Variants in ABCC4 observed in about 807,000 individuals in gnomAD.
The protein encoded by ABCC4 is ATP binding cassette subfamily C member 4 (PEL blood group), also known as ATP-binding cassette sub-family C member 4.
In ABCC4, 102 loss-of-function variants were observed where a neutral mutation model predicts 168.5. That is an observed-to-expected ratio of 0.61 (90% CI 0.52 to 0.71). The LOEUF (loss-of-function observed/expected upper bound fraction) is 0.71. ABCC4 is among the 30% of genes least tolerant of loss of function. The pLI is 0.00. For synonymous variants in ABCC4, 617 were observed against 590.7 expected (o/e 1.04, Z -0.65); for missense variants, 1,402 against 1,605.8 (o/e 0.87, Z 2.17).
intron 20 of ABCC4, among the ~76,000 whole-genome samples, chr13:95,103,508 T>C (rs1308737634): frequency 6.6e-6 from 1 of 152,184 alleles, no homozygotes; most frequent in African/African-American, 2.4e-5. Context: ...TAGTAAAGCA[T>C]TCACGGAGGT....
At chr13:95,123,802 C>A (rs946860514) in intron 19 of ABCC4, among the ~76,000 whole-genome samples, 4 of 152,156 alleles carry the variant, frequency 2.6e-5, no homozygotes, top group Non-Finnish European at 5.9e-5. Context: ...CCAAGGCAGG[C>A]GGCAATGAGG....
At chr13:95,060,137 T>C (rs1328592490) in intron 26 of ABCC4, among the ~76,000 whole-genome samples, 1 of 152,226 alleles carries the variant, frequency 6.6e-6, no homozygotes, top group Non-Finnish European at 1.5e-5. Flanking sequence ...CATTGAGCCT[T>C]GGAGACAAAG....
At chr13:95,078,126 A>G (rs988491821) in intron 21 of ABCC4, among the ~76,000 whole-genome samples, 16 of 152,148 alleles carry the variant, frequency 1.1e-4, no homozygotes, top group Non-Finnish European at 5.9e-5. Flanking sequence ...ACCTTCCCTG[A>G]GCATAGATTC....
intron 30 of ABCC4, among the ~76,000 whole-genome samples, chr13:95,024,483 C>T (rs1208934595): frequency 6.6e-6 from 1 of 152,086 alleles, no homozygotes; most frequent in Non-Finnish European, 1.5e-5. Flanking sequence ...GTAAAGCCAC[C>T]GTAACAGAGC....
chr13:95,246,515 A>G (rs2040109537), intron 3 of ABCC4, among the ~76,000 whole-genome samples: 1 of 152,206 alleles, frequency 6.6e-6, no homozygotes, highest in African/African-American at 2.4e-5. Context: ...GGCTTGGTGA[A>G]CAATTATTTG....
At chr13:95,230,339 G>A (rs1268125092) in intron 4 of ABCC4, among the ~76,000 whole-genome samples, 1 of 152,142 alleles carries the variant, frequency 6.6e-6, no homozygotes, top group East Asian at 1.9e-4. Flanking sequence ...AAGTTAAACA[G>A]ACAAATTATT....
At chr13:95,047,478 T>C (rs1245294381) in intron 27 of ABCC4, among the ~76,000 whole-genome samples, 1 of 131,842 alleles carries the variant, frequency 7.6e-6, no homozygotes, top group East Asian at 2.1e-4. Flanking sequence ...TGCCTATTCT[T>C]TTTTTTTTTT....
chr13:95,146,371 G>A (rs535003083), intron 19 of ABCC4, among the ~76,000 whole-genome samples: 32 of 152,252 alleles, frequency 2.1e-4, no homozygotes, highest in African/African-American at 6.7e-4. Context: ...ATCTACTCAT[G>A]TAACAAACCT....
At chr13:95,076,649 G>C (rs34075181) in intron 21 of ABCC4, among the ~76,000 whole-genome samples, 1 of 151,958 alleles carries the variant, frequency 6.6e-6, no homozygotes, top group Admixed American at 6.6e-5. Flanking sequence ...ATTTTTAGTA[G>C]AGACATGGTT....
At chr13:95,047,043 T>C (rs1218491559) in intron 27 of ABCC4, among the ~76,000 whole-genome samples, 2 of 152,236 alleles carry the variant, frequency 1.3e-5, no homozygotes, top group African/African-American at 4.8e-5. Flanking sequence ...TTCATGGAAA[T>C]GTCTGCAACT....
At chr13:95,293,584 A>G (rs1268893969) in intron 1 of ABCC4, among the ~76,000 whole-genome samples, 1 of 149,054 alleles carries the variant, frequency 6.7e-6, no homozygotes, top group East Asian at 2.1e-4. Context: ...CTCCTGCCTC[A>G]GCCTCTCGAG....
intron 29 of ABCC4, among the ~76,000 whole-genome samples, chr13:95,042,058 T>C (rs1663391527): frequency 6.6e-6 from 1 of 152,184 alleles, no homozygotes; most frequent in Admixed American, 6.5e-5. Flanking sequence ...CCAATATCAT[T>C]GGAGAGATCG....
intron 1 of ABCC4, among the ~76,000 whole-genome samples, chr13:95,291,372 C>A (rs373703521): frequency 6.0e-5 from 9 of 151,260 alleles, no homozygotes; most frequent in African/African-American, 1.5e-4. Flanking sequence ...AAAAAAAAGA[C>A]AGAAGTGCCC....
intron 21 of ABCC4, among the ~76,000 whole-genome samples, chr13:95,076,368 GTTC>G (rs1054663043): frequency 3.8e-4 from 58 of 152,236 alleles, no homozygotes; most frequent in African/African-American, 1.3e-3. Context: ...GTCTCAGTGG[GTTC>G]TTCATCTCTA....
intron 19 of ABCC4, among the ~76,000 whole-genome samples, chr13:95,146,208 C>CAAAAA (rs796273450): frequency 8.0e-6 from 1 of 124,882 alleles, no homozygotes. Context: ...AAGACTCTCT[C>CAAAAA]AAAAAAAAAA....
chr13:95,239,176 A>C, intron 3 of ABCC4, among the ~76,000 whole-genome samples: 1 of 151,946 alleles, frequency 6.6e-6, no homozygotes, highest in Middle Eastern at 3.4e-3. Flanking sequence ...AAAAAAAAAA[A>C]AATTTAAATT....
At chr13:95,051,720 G>GC (rs34749414) in intron 27 of ABCC4, among the ~76,000 whole-genome samples, 87,910 of 151,866 alleles carry the variant, frequency 0.58, 26,159 homozygotes, top group South Asian at 0.75. Context: ...AGGCTGGAGT[G>GC]CAGTGGCACA....
intron 20 of ABCC4, among the ~76,000 whole-genome samples, chr13:95,107,797 G>A (rs1431731468): frequency 5.3e-5 from 8 of 152,230 alleles, no homozygotes; most frequent in East Asian, 1.9e-4. Flanking sequence ...TTAGCCAGGC[G>A]TGGTAGTACA....
rs1481108511 is a variant in ABCC4, at chr13:95,074,203, T to A, written c.2917+11A>T. On this transcript the variant is annotated intron_variant, in intron 23 of 30. Transcript: ENST00000645237. ...ATCATACCATACATAGTTATTCACA[T>A]CTGTACTTACTTTTTGCCAGAATCA... 6.3e-7 allele frequency: 1 copy of A among 1,590,620 alleles called. No homozygotes were observed.
Sources: gnomAD v4.1 joint callset for allele counts (sites outside exome capture counted in the v4.1 genomes callset) on GRCh38, gnomAD v4.1.1 for gene constraint, MANE v1.5 for transcripts, NCBI Gene and HGNC (gene_info 2026-07-23, HGNC 2026-07-21) for gene names.